SH3GL3: variants seen among roughly 807,000 people sequenced by gnomAD.
SH3GL3 encodes the protein endophilin-A3.
In SH3GL3, 33 loss-of-function variants were observed where a neutral mutation model predicts 47.7. The observed-to-expected ratio is 0.69, with a 90% CI of 0.52 to 0.92. SH3GL3 has a LOEUF of 0.92. Among genes scored for constraint, SH3GL3 ranks in the 40% least tolerant of loss-of-function variants. SH3GL3 has a pLI of 0.00. For synonymous variants in SH3GL3, 155 were observed against 148.8 expected (o/e 1.04, Z -0.30); for missense variants, 363 against 417.8 (o/e 0.87, Z 1.14).
chr15:83,590,929 C>A lies in SH3GL3; in HGVS notation c.838+2158C>A, dbSNP rs1567019076. 3.3e-5 allele frequency among the ~76,000 whole-genome samples: 5 copies of A among 152,236 alleles called. No homozygotes were observed. In the South Asian group the frequency reaches 6.2e-4, roughly 19 times the overall value. On this transcript the variant is annotated intron_variant, in intron 8 of 8. Coordinates refer to ENST00000427482, the MANE Select transcript of SH3GL3 (RefSeq NM_003027.5). The stretch of plus-strand genomic sequence containing the variant: ...CAAAATTTTTAATTCTTATGAAGTC[C>A]AATGTATTCATGTTTAGTTTTATAG...
the SH3GL3 span, among the ~76,000 whole-genome samples, chr15:83,629,543 G>C: frequency 6.6e-6 from 1 of 152,126 alleles, no homozygotes; most frequent in East Asian, 1.9e-4. Flanking sequence ...TCATAGCCTG[G>C]GTGCAGTGGC....
At chr15:83,629,547 C>G in the SH3GL3 span, among the ~76,000 whole-genome samples, 1 of 152,188 alleles carries the variant, frequency 6.6e-6, no homozygotes, top group Non-Finnish European at 1.5e-5. Context: ...AGCCTGGGTG[C>G]AGTGGCTAAT....
chr15:83,628,379 T>C, the SH3GL3 span, among the ~76,000 whole-genome samples: 1 of 152,238 alleles, frequency 6.6e-6, no homozygotes, highest in African/African-American at 2.4e-5. Context: ...ACATATTCTT[T>C]ATAACTGCTT....
chr15:83,595,913 T>C (rs1028907534), intron 8 of SH3GL3, among the ~76,000 whole-genome samples: 3 of 152,190 alleles, frequency 2.0e-5, no homozygotes, highest in African/African-American at 7.2e-5. Flanking sequence ...TATAGATTTA[T>C]CAATTTTATT....
At chr15:83,540,602 T>G (rs1449049052) in intron 1 of SH3GL3, among the ~76,000 whole-genome samples, 3 of 152,272 alleles carry the variant, frequency 2.0e-5, no homozygotes, top group East Asian at 3.9e-4. Flanking sequence ...TTTTTATTGT[T>G]GATGTTAGTG....
At chr15:83,528,207 C>T (rs1315724559) in intron 1 of SH3GL3, among the ~76,000 whole-genome samples, 1 of 152,138 alleles carries the variant, frequency 6.6e-6, no homozygotes, top group Admixed American at 6.5e-5. Context: ...TGACTAGATG[C>T]TTTTCTCTTG....
intron 1 of SH3GL3, chr15:83,489,069 A>T (rs1272893447): frequency 6.6e-6 from 1 of 152,200 alleles, no homozygotes. Context: ...TAGCAGCTTA[A>T]CTTGTGTAGC....
At position 83,617,857 on chromosome 15, in the gene SH3GL3, G is replaced by T. The variant is rs74763206; in HGVS notation, c.839-225G>T. Among the ~76,000 whole-genome samples the T allele has an allele frequency of 8.0e-3, 1,219 of 152,234 alleles. 7 individuals are homozygous for T. Among genetic ancestry groups the T allele is most frequent in the African/African-American group, 0.027 (1,121 of 41,554 alleles). The stretch of plus-strand genomic sequence containing the variant: ...CTGGGCACGACTTCTCTGCCTGGGA[G>T]TATTGAAAAGATAGACTCTGGGCTC... On this transcript the variant is annotated intron_variant, in intron 8 of 8. Coordinates refer to ENST00000427482, the MANE Select transcript of SH3GL3 (RefSeq NM_003027.5).
intron 1 of SH3GL3, among the ~76,000 whole-genome samples, chr15:83,497,636 C>A (rs2042134010): frequency 6.6e-6 from 1 of 152,134 alleles, no homozygotes; most frequent in African/African-American, 2.4e-5. Flanking sequence ...TTAGGCCTCC[C>A]CTGTCTCACT....
intron 1 of SH3GL3, among the ~76,000 whole-genome samples, chr15:83,450,743 A>G (rs2039707428): frequency 7.3e-6 from 1 of 137,394 alleles, no homozygotes; most frequent in Non-Finnish European, 1.6e-5. Context: ...ATCCTTTATT[A>G]AAATGGGATA....
rs1222374119 is a variant in SH3GL3, at chr15:83,618,243, T to C, written c.1000T>C (p.Phe334Leu). ...EGMIHGESGF[F>L]PINYVEVIVP... ...AATGATACACGGAGAATCGGGATTC[T>C]TCCCCATTAATTACGTGGAAGTGAT... Residue 334 changes from phenylalanine (F) to leucine (L), a missense_variant, in exon 9 of 9, where the codon TTC becomes CTC. Phe to Leu is a conservative substitution (Grantham distance 22, BLOSUM62 0). Transcript: ENST00000427482. The C allele has an allele frequency of 1.2e-6, 2 of 1,612,340 alleles. No homozygotes were observed. Among genetic ancestry groups the C allele is most frequent in the African/African-American group, 2.7e-5 (2 of 74,920 alleles).
At chr15:83,484,563 T>C (rs1047412548) in intron 1 of SH3GL3, among the ~76,000 whole-genome samples, 1 of 152,090 alleles carries the variant, frequency 6.6e-6, no homozygotes, top group Non-Finnish European at 1.5e-5. Flanking sequence ...TGATAGACAA[T>C]CCCACATTTC....
chr15:83,627,169 G>A, the SH3GL3 span, among the ~76,000 whole-genome samples: 4 of 152,086 alleles, frequency 2.6e-5, no homozygotes, highest in South Asian at 2.1e-4. Context: ...AGGCCGAGGC[G>A]GGCGGATCAC....
intron 1 of SH3GL3, among the ~76,000 whole-genome samples, chr15:83,474,052 G>A (rs551420891): frequency 1.1e-4 from 17 of 152,014 alleles, no homozygotes; most frequent in Admixed American, 5.2e-4. Flanking sequence ...TATAATGCCC[G>A]GGGTTTTAAA....
Position 83,532,040 on chromosome 15 carries a change from A to G in SH3GL3, c.46-27213A>G, listed in dbSNP as rs118047524. Among the ~76,000 whole-genome samples the G allele has an allele frequency of 1.0e-3, 153 of 152,334 alleles. 4 individuals are homozygous for G. The East Asian group carries it at 0.019, about 19-fold the overall frequency. On this transcript the variant is annotated intron_variant, in intron 1 of 8. Coordinates refer to ENST00000427482, the MANE Select transcript of SH3GL3 (RefSeq NM_003027.5). ...CTGTTTTTAAAAACATCTGAATTCT[A>G]TATATACTTCTGAGAGTCCATTACA...
At chr15:83,450,105 ATAACT>A (rs1482671012) in intron 1 of SH3GL3, among the ~76,000 whole-genome samples, 1 of 152,202 alleles carries the variant, frequency 6.6e-6, no homozygotes, top group African/African-American at 2.4e-5. Flanking sequence ...CCTTGGGAAC[ATAACT>A]TAACCCATCT....
intron 1 of SH3GL3, among the ~76,000 whole-genome samples, chr15:83,500,889 A>C (rs2042266675): frequency 1.3e-5 from 2 of 152,174 alleles, no homozygotes; most frequent in Admixed American, 6.5e-5. Context: ...AGTAACTCGC[A>C]CAATAAATTG....
intron 8 of SH3GL3, chr15:83,609,469 C>T (rs2060608847): frequency 5.4e-6 from 2 of 371,776 alleles, no homozygotes; most frequent in Non-Finnish European, 1.1e-5. Context: ...CTACTCAGGT[C>T]AGTAGCTTCT....
chr15:83,624,890 G>A, the SH3GL3 span, among the ~76,000 whole-genome samples: 3 of 152,164 alleles, frequency 2.0e-5, no homozygotes, highest in African/African-American at 7.2e-5. Context: ...ATTCAGGCCC[G>A]AAGTGTTCCT....
Sources: allele counts gnomAD v4.1 joint callset (sites outside exome capture counted in the v4.1 genomes callset), GRCh38; gene constraint gnomAD v4.1.1; transcripts MANE v1.5; gene names NCBI Gene and HGNC (gene_info 2026-07-23, HGNC 2026-07-21).